Variants in TGFBR3 observed in about 807,000 individuals in gnomAD.
The protein encoded by TGFBR3 is transforming growth factor beta receptor 3.
Under a neutral mutation model 87.9 loss-of-function variants are expected in TGFBR3, and 46 were observed. That is an observed-to-expected ratio of 0.52 (90% CI 0.41 to 0.67). The LOEUF is 0.67. Ranked by LOEUF, TGFBR3 falls within the 30% of genes least tolerant of loss-of-function variation. The pLI is 0.00. For synonymous variants in TGFBR3, 381 were observed against 391.6 expected (o/e 0.97, Z 0.32); for missense variants, 866 against 1,041.9 (o/e 0.83, Z 2.32).
intron 8 of TGFBR3, among the ~76,000 whole-genome samples, chr1:91,720,769 A>T (rs543673890): frequency 6.6e-6 from 1 of 152,344 alleles, no homozygotes; most frequent in Admixed American, 6.5e-5. Context: ...ATGCCACTAA[A>T]ATACTTTCCT....
At chr1:91,886,429 C>G (rs968392710), upstream of TGFBR3, 1 of 323,632 alleles carries the variant, frequency 3.1e-6, no homozygotes, top group East Asian at 9.8e-5. Flanking sequence ...GGGCTAGGGG[C>G]GCGGCCGGGC....
chr1:91,787,943 G>GGAAAAAAAAAAAAAAAAAAAAAA (rs945269870), intron 3 of TGFBR3, among the ~76,000 whole-genome samples: 15 of 133,308 alleles, frequency 1.1e-4, no homozygotes, highest in African/African-American at 4.6e-4. Context: ...GTCTCACGGG[G>GGAAAAAAAAAAAAAAAAAAAAAA]AAAAAAAAAA....
Position 91,734,900 on chromosome 1 carries a change from T to G in TGFBR3, c.444A>C (p.Thr148=). The change falls in exon 5 of 17, where the codon ACA becomes ACC. Residue 148 remains threonine (T), a synonymous_variant. Coordinates refer to ENST00000212355, the MANE Select transcript of TGFBR3 (RefSeq NM_003243.5). ...TTCCATGGGGGAAGTTCCTTTCTTC[T>G]GTTTCTGCTGTCAAGGAGAAGTTTG... ...SSANFSLTAE[T]EERNFPHGNE... 6.2e-7 allele frequency: 1 copy of G among 1,614,220 alleles called. No homozygotes were observed. Among genetic ancestry groups the G allele is most frequent in the Non-Finnish European group, 8.5e-7 (1 of 1,180,018 alleles).
chr1:91,759,918 A>G (rs974473817), intron 3 of TGFBR3, among the ~76,000 whole-genome samples: 2 of 152,238 alleles, frequency 1.3e-5, no homozygotes, highest in Non-Finnish European at 2.9e-5. Flanking sequence ...CATTTTCCCA[A>G]TGGCTGCCAG....
chr1:91,861,427 CCAAAAATATATA>C (rs1278574830), intron 2 of TGFBR3, 32 bp downstream of exon 2: 1 of 1,449,516 alleles, frequency 6.9e-7, no homozygotes. Flanking sequence ...CAAAATATAT[CCAAAAATATATA>C]ACAAATATGC....
intron 2 of TGFBR3, among the ~76,000 whole-genome samples, chr1:91,838,758 C>T (rs1393543223): frequency 5.9e-5 from 9 of 152,032 alleles, no homozygotes; most frequent in Admixed American, 3.9e-4. Context: ...CGTGAGCCAC[C>T]GCGCCCGGCC....
intron 2 of TGFBR3, among the ~76,000 whole-genome samples, chr1:91,797,933 C>A (rs1675448678): frequency 1.3e-5 from 2 of 152,104 alleles, no homozygotes; most frequent in South Asian, 2.1e-4. Context: ...AACTTAAGAA[C>A]AATACAGAGC....
chr1:91,803,477 A>G (rs1246001577), intron 2 of TGFBR3, among the ~76,000 whole-genome samples: 2 of 151,944 alleles, frequency 1.3e-5, no homozygotes, highest in Admixed American at 6.5e-5. Flanking sequence ...AGGAGGGCAC[A>G]GCAACTGAGA....
chr1:91,731,785 TAACA>T (rs1208721459), intron 5 of TGFBR3, among the ~76,000 whole-genome samples: 21 of 152,206 alleles, frequency 1.4e-4, no homozygotes, highest in Admixed American at 9.8e-4. Flanking sequence ...TTTCCTGAAT[TAACA>T]AACAATGATG....
chr1:91,850,410 T>C (rs1181406047), intron 2 of TGFBR3, among the ~76,000 whole-genome samples: 1 of 152,248 alleles, frequency 6.6e-6, no homozygotes, highest in Non-Finnish European at 1.5e-5. Flanking sequence ...ATAATTGTCA[T>C]GCACAGGTGC....
At chr1:91,775,190 C>G (rs4658266) in intron 3 of TGFBR3, among the ~76,000 whole-genome samples, 79,916 of 151,994 alleles carry the variant, frequency 0.53, 21,560 homozygotes, top group African/African-American at 0.65. Context: ...TTAGCAAACA[C>G]GGACTCCCCA....
At chr1:91,847,936 G>A (rs928238747) in intron 2 of TGFBR3, among the ~76,000 whole-genome samples, 18 of 152,170 alleles carry the variant, frequency 1.2e-4, no homozygotes, top group Non-Finnish European at 2.5e-4. Context: ...AATGGTGGGG[G>A]CGGGAAGAAT....
Position 91,716,189 on chromosome 1 carries a change from T to C in TGFBR3, c.1866+47A>G, listed in dbSNP as rs140473734. ...ATTTTAGCTGATGTCTAAGGAACTATAGCCCAGCACTAACCTAAAAGGTCA... is the reference window on the plus strand; with the variant it reads ...ATTTTAGCTGATGTCTAAGGAACTACAGCCCAGCACTAACCTAAAAGGTCA... On this transcript the variant is annotated intron_variant, in intron 12 of 16. Transcript: ENST00000212355. 112 of 1,611,724 alleles carry C rather than the reference T, an allele frequency of 6.9e-5. 1 individual carries two copies. The African/African-American group carries it at 1.2e-3, about 18-fold the overall frequency.
At chr1:91,854,286 T>C (rs1224181727) in intron 2 of TGFBR3, among the ~76,000 whole-genome samples, 8 of 152,036 alleles carry the variant, frequency 5.3e-5, no homozygotes, top group Admixed American at 5.2e-4. Context: ...CATGCCTTCC[T>C]CAAAAATGCC....
At chr1:91,868,452 C>A (rs781436541) in intron 1 of TGFBR3, among the ~76,000 whole-genome samples, 32 of 152,200 alleles carry the variant, frequency 2.1e-4, no homozygotes, top group Middle Eastern at 6.8e-3. Flanking sequence ...TCTAAAGATA[C>A]TCATAATGTA....
intron 6 of TGFBR3, 96 bp downstream of exon 6, chr1:91,729,709 G>A (rs975301121): frequency 5.6e-6 from 8 of 1,428,976 alleles, no homozygotes; most frequent in Admixed American, 1.7e-5. Flanking sequence ...CCTGCGTAGG[G>A]GAGGGTGTAG....
At chr1:91,727,302 T>A (rs1006744094) in intron 7 of TGFBR3, among the ~76,000 whole-genome samples, 3 of 152,248 alleles carry the variant, frequency 2.0e-5, no homozygotes, top group African/African-American at 7.2e-5. Context: ...CCTTGTGGGA[T>A]GCTCAATATG....
At chr1:91,901,430 A>G (rs1220326149) in intron 1 of TGFBR3, among the ~76,000 whole-genome samples, 1 of 152,234 alleles carries the variant, frequency 6.6e-6, no homozygotes, top group African/African-American at 2.4e-5. Flanking sequence ...GGCAATCTCT[A>G]TGCAATAGGC....
Position 91,739,105 on chromosome 1 carries a change from G to A in TGFBR3, c.385-4146C>T, listed in dbSNP as rs137988406. On this transcript the variant is annotated intron_variant, in intron 4 of 16. Coordinates refer to ENST00000212355, the MANE Select transcript of TGFBR3 (RefSeq NM_003243.5). ...GCTGAGGCAAGGTTGGTAGGACACA[G>A]GTCCCAGAGGAGACCAGTAGGCCCA... Among the ~76,000 whole-genome samples, 1,393 of 152,302 alleles carry A rather than the reference G, an allele frequency of 9.1e-3. 11 individuals are homozygous for A. Among genetic ancestry groups the A allele is most frequent in the Non-Finnish European group, 0.015 (1,050 of 68,022 alleles).
Sources: allele counts gnomAD v4.1 joint callset (sites outside exome capture counted in the v4.1 genomes callset), GRCh38; gene constraint gnomAD v4.1.1; transcripts MANE v1.5; gene names NCBI Gene and HGNC (gene_info 2026-07-23, HGNC 2026-07-21).